Variants in MPDZ observed in about 807,000 individuals in gnomAD.
The protein encoded by MPDZ is multiple PDZ domain crumbs cell polarity complex component, also known as multiple PDZ domain protein.
MPDZ carries 234 observed loss-of-function variants against 239.1 expected under a neutral mutation model. That is an observed-to-expected ratio of 0.98 (90% CI 0.88 to 1.09). The LOEUF is 1.09. MPDZ is among the 50% of genes least tolerant of loss of function. MPDZ has a pLI of 0.00. For missense variants in MPDZ, 3,175 were observed against 2,510.0 expected, an observed-to-expected ratio of 1.26 and a Z score of -5.66; for synonymous variants, 1,048 against 881.3, an observed-to-expected ratio of 1.19 and a Z score of -3.35.
At chr9:13,193,791 T>A (rs1955268147) in intron 13 of MPDZ, among the ~76,000 whole-genome samples, 1 of 152,090 alleles carries the variant, frequency 6.6e-6, no homozygotes, top group South Asian at 2.1e-4. Flanking sequence ...CATTAAATAA[T>A]GAAGAATATT....
intron 35 of MPDZ, among the ~76,000 whole-genome samples, chr9:13,124,322 A>G (rs1301853550): frequency 6.6e-6 from 1 of 152,182 alleles, no homozygotes. Flanking sequence ...TTTCTAAATA[A>G]AGGATTATTT....
chr9:13,121,925 C>T lies in MPDZ; in HGVS notation c.5045G>A (p.Gly1682Glu), dbSNP rs1436380772. Residue 1682 changes from glycine to glutamate, a missense_variant, in exon 38 of 47, where the codon GGA becomes GAA. Gly to Glu is a moderately conservative substitution (Grantham distance 98). Transcript: ENST00000319217. Reference sequence around the variant, plus strand: ...ATGTGTGGCCTTTCTCAAGTCAATTCCATTCACCTGTACAGAAATGGGACA... The same window carrying T: ...ATGTGTGGCCTTTCTCAAGTCAATTTCATTCACCTGTACAGAAATGGGACA... Reference protein sequence around the residue: ...WAGDQILEVNGIDLRKATHDE... With the variant: ...WAGDQILEVNEIDLRKATHDE... 2 of 1,612,802 alleles carry T rather than the reference C, an allele frequency of 1.2e-6. No homozygotes were observed. Among genetic ancestry groups the T allele is most frequent in the African/African-American group, 1.3e-5 (1 of 74,836 alleles).
chr9:13,192,360 AT>A (rs200746795), intron 14 of MPDZ, 65 bp from the exon 15 acceptor site: 13 of 1,380,374 alleles, frequency 9.4e-6, no homozygotes, highest in Admixed American at 4.3e-5. Context: ...TTTGAACACA[AT>A]TTTTTTATTA....
intron 1 of MPDZ, among the ~76,000 whole-genome samples, chr9:13,278,392 G>T (rs1313314543): frequency 6.6e-6 from 1 of 152,070 alleles, no homozygotes; most frequent in African/African-American, 2.4e-5. Flanking sequence ...CGCCCCCAGT[G>T]ACTACGGAGC....
intron 1 of MPDZ, chr9:13,276,710 T>G (rs952473623): frequency 1.3e-5 from 2 of 152,208 alleles, no homozygotes; most frequent in African/African-American, 4.8e-5. Flanking sequence ...AAATATTTCA[T>G]GAAATTCAGA....
chr9:13,268,847 T>C (rs1370779207), intron 1 of MPDZ, among the ~76,000 whole-genome samples: 2 of 152,248 alleles, frequency 1.3e-5, no homozygotes, highest in Admixed American at 6.5e-5. Context: ...GGCTTTGCCC[T>C]GCAGGCATGC....
intron 1 of MPDZ, among the ~76,000 whole-genome samples, chr9:13,256,214 T>A (rs1969395357): frequency 6.6e-6 from 1 of 152,140 alleles, no homozygotes. Context: ...TTGAAGAGAG[T>A]TAGGGTTTTG....
At chr9:13,215,753 G>GTTTTTTTTTTTTTTTTTT (rs56281339) in intron 10 of MPDZ, among the ~76,000 whole-genome samples, 6 of 89,052 alleles carry the variant, frequency 6.7e-5, no homozygotes, top group Non-Finnish European at 1.2e-4. Flanking sequence ...TCTATTGCAG[G>GTTTTTTTTTTTTTTTTTT]TTTTTTTTTT....
chr9:13,116,801 T>C lies in MPDZ; in HGVS notation c.5380-1467A>G, dbSNP rs142402301. 1.4e-3 allele frequency among the ~76,000 whole-genome samples: 218 copies of C among 152,272 alleles called. 1 individual carries two copies. Among genetic ancestry groups the C allele is most frequent in the African/African-American group, 5.1e-3 (213 of 41,558 alleles). ...ATTTTGGAAATAAAATGAAAAAAGA[T>C]GGGGGAAGAAAAGGACCCATAAGTC... On this transcript the variant is annotated intron_variant, in intron 39 of 46. Coordinates refer to ENST00000319217, the MANE Select transcript of MPDZ (RefSeq NM_001378778.1).
At chr9:13,213,994 G>T (rs898660398) in intron 10 of MPDZ, among the ~76,000 whole-genome samples, 1 of 151,998 alleles carries the variant, frequency 6.6e-6, no homozygotes, top group African/African-American at 2.4e-5. Flanking sequence ...CTTTGTAAGT[G>T]AAGAAACTGA....
At chr9:13,274,913 C>T (rs1973825383) in intron 1 of MPDZ, among the ~76,000 whole-genome samples, 1 of 151,972 alleles carries the variant, frequency 6.6e-6, no homozygotes, top group African/African-American at 2.4e-5. Flanking sequence ...AAAACGAATG[C>T]TTTTATAAAA....
chr9:13,135,887 G>C, intron 31 of MPDZ: 3 of 413,828 alleles, frequency 7.2e-6, no homozygotes, highest in Non-Finnish European at 1.3e-5. Context: ...CTATTCCCTA[G>C]GCAGACTACA....
rs756152367 is a variant in MPDZ at position 13,139,908 on chromosome 9, T to A, written c.4003+79A>T. 2.6e-6 allele frequency: 4 copies of A among 1,540,854 alleles called. No individual in the cohort carries two copies. In the South Asian group the frequency reaches 3.4e-5, roughly 13 times the overall value. On this transcript the variant is annotated intron_variant, in intron 28 of 46. Transcript: ENST00000319217. The stretch of plus-strand genomic sequence containing the variant: ...CACAAAGCTGCAACATACTTACTTA[T>A]CCAGGGCGAAATCCTTGAGAAACTC...
chr9:13,230,601 T>C (rs945369390), intron 3 of MPDZ, among the ~76,000 whole-genome samples: 1 of 152,132 alleles, frequency 6.6e-6, no homozygotes, highest in African/African-American at 2.4e-5. Context: ...AATTAAAGGT[T>C]GCCAGGGGTT....
chr9:13,250,576 A>G (rs1967680094), intron 1 of MPDZ, among the ~76,000 whole-genome samples: 1 of 152,222 alleles, frequency 6.6e-6, no homozygotes, highest in African/African-American at 2.4e-5. Flanking sequence ...ATATTTACCC[A>G]TAATACTTGC....
At chr9:13,111,332 A>C (rs1396279871) in intron 43 of MPDZ, among the ~76,000 whole-genome samples, 1 of 152,226 alleles carries the variant, frequency 6.6e-6, no homozygotes, top group Non-Finnish European at 1.5e-5. Context: ...ATCAGGTTTT[A>C]AGTGTCAGCC....
intron 1 of MPDZ, among the ~76,000 whole-genome samples, chr9:13,261,553 G>C (rs1320585193): frequency 6.6e-6 from 1 of 152,040 alleles, no homozygotes; most frequent in Non-Finnish European, 1.5e-5. Flanking sequence ...AGGGAGCAAA[G>C]ACAATTTTAG....
Position 13,215,035 on chromosome 9 carries a change from C to T in MPDZ, c.1290+1739G>A, listed in dbSNP as rs116068734. On this transcript the variant is annotated intron_variant, in intron 10 of 46. Transcript: ENST00000319217. ...TTTTGAATAGTACAATTCAATAGTGCTAAGTATATTCACATCATTGTGCAA... is the reference window on the plus strand; with the variant it reads ...TTTTGAATAGTACAATTCAATAGTGTTAAGTATATTCACATCATTGTGCAA... Among the ~76,000 whole-genome samples the T allele has an allele frequency of 5.1e-3, 781 of 152,020 alleles. 11 individuals carry two copies. Among genetic ancestry groups the T allele is most frequent in the African/African-American group, 0.018 (729 of 41,504 alleles).
intron 28 of MPDZ, among the ~76,000 whole-genome samples, chr9:13,138,741 G>A (rs1262071598): frequency 6.6e-6 from 1 of 152,148 alleles, no homozygotes; most frequent in Admixed American, 6.5e-5. Context: ...TCTTCAAGAG[G>A]TGATGGTTAT....
Sources: gnomAD v4.1 joint callset for allele counts (sites outside exome capture counted in the v4.1 genomes callset) on GRCh38, gnomAD v4.1.1 for gene constraint, MANE v1.5 for transcripts, NCBI Gene and HGNC (gene_info 2026-07-23, HGNC 2026-07-21) for gene names.